The following EFNA5 variants were observed in gnomAD, a reference collection of about 807,000 sequenced individuals.
The protein encoded by EFNA5 is ephrin A5.
EFNA5 carries 5 observed loss-of-function variants against 22.9 expected under a neutral mutation model. That is an observed-to-expected ratio of 0.22 (90% CI 0.11 to 0.46). EFNA5 has a LOEUF of 0.46. EFNA5 is among the 20% of genes least tolerant of loss of function. The probability of loss-of-function intolerance (pLI) is 0.99; values close to 1 mark genes in which losing one functional copy is unlikely to be tolerated. For missense variants in EFNA5, 237 were observed against 293.3 expected (o/e 0.81, Z 1.40); for synonymous variants, 113 against 112.2 (o/e 1.01, Z -0.04).
chr5:107,490,775 T>G (rs1036534080), intron 1 of EFNA5, among the ~76,000 whole-genome samples: 4 of 152,206 alleles, frequency 2.6e-5, no homozygotes, highest in African/African-American at 9.6e-5. Flanking sequence ...CTCAGATTCC[T>G]CTTTACTTAC....
At chr5:107,414,816 T>C (rs1043392342) in intron 2 of EFNA5, among the ~76,000 whole-genome samples, 1 of 151,920 alleles carries the variant, frequency 6.6e-6, no homozygotes, top group Non-Finnish European at 1.5e-5. Context: ...CCACTTAATA[T>C]AAATATCATA....
intron 1 of EFNA5, among the ~76,000 whole-genome samples, chr5:107,575,456 C>T (rs1748909083): frequency 6.6e-6 from 1 of 152,164 alleles, no homozygotes; most frequent in Non-Finnish European, 1.5e-5. Flanking sequence ...TTTGAACCCA[C>T]CAAGACTGCT....
chr5:107,638,542 T>A (rs1561456504), intron 1 of EFNA5, among the ~76,000 whole-genome samples: 1 of 152,084 alleles, frequency 6.6e-6, no homozygotes, highest in Non-Finnish European at 1.5e-5. Context: ...GATATAACAA[T>A]ACAAAAATGC....
intron 1 of EFNA5, among the ~76,000 whole-genome samples, chr5:107,614,438 A>G (rs796801779): frequency 7.2e-5 from 11 of 152,318 alleles, no homozygotes; most frequent in African/African-American, 2.6e-4. Flanking sequence ...TTATTTTTAA[A>G]TTATCATGGA....
At chr5:107,391,252 G>T (rs1236257511) in intron 2 of EFNA5, among the ~76,000 whole-genome samples, 2 of 152,186 alleles carry the variant, frequency 1.3e-5, no homozygotes, top group Non-Finnish European at 2.9e-5. Context: ...AACTGTCCCT[G>T]CCCTTGTGTT....
intron 1 of EFNA5, among the ~76,000 whole-genome samples, chr5:107,557,808 A>G (rs1230422341): frequency 6.6e-6 from 1 of 152,226 alleles, no homozygotes; most frequent in Non-Finnish European, 1.5e-5. Flanking sequence ...TTTACCTTTG[A>G]ATAATCTAAA....
At chr5:107,466,872 A>C (rs1750001226) in intron 1 of EFNA5, among the ~76,000 whole-genome samples, 1 of 152,172 alleles carries the variant, frequency 6.6e-6, no homozygotes, top group African/African-American at 2.4e-5. Flanking sequence ...GGAAGGCGCT[A>C]TACTAGGCTA....
intron 1 of EFNA5, among the ~76,000 whole-genome samples, chr5:107,503,259 GCACAGTGAA>G (rs1375677335): frequency 6.6e-6 from 1 of 152,118 alleles, no homozygotes; most frequent in East Asian, 1.9e-4. Flanking sequence ...TGCCTTCGGT[GCACAGTGAA>G]CAAAATACTA....
chr5:107,400,907 A>G (rs1419430777), intron 2 of EFNA5, among the ~76,000 whole-genome samples: 1 of 152,232 alleles, frequency 6.6e-6, no homozygotes, highest in Non-Finnish European at 1.5e-5. Flanking sequence ...AAGCTTATTG[A>G]GAGATTTGTT....
intron 1 of EFNA5, among the ~76,000 whole-genome samples, chr5:107,476,046 C>CCATATATATATATATA (rs1554061606): frequency 3.2e-5 from 1 of 31,284 alleles, no homozygotes; most frequent in African/African-American, 3.4e-4. Flanking sequence ...AGTTTTTAAA[C>CCATATATATATATATA]TATATATATA....
intron 2 of EFNA5, among the ~76,000 whole-genome samples, chr5:107,389,841 T>A (rs1442194002): frequency 6.6e-6 from 1 of 152,234 alleles, no homozygotes; most frequent in Non-Finnish European, 1.5e-5. Flanking sequence ...TGTATTTAAA[T>A]GACACATAAA....
chr5:107,444,953 T>C (rs1012355144), intron 1 of EFNA5, among the ~76,000 whole-genome samples: 1 of 152,192 alleles, frequency 6.6e-6, no homozygotes, highest in Middle Eastern at 3.2e-3. Context: ...GGAATAATGA[T>C]AAAATAACTT....
At chr5:107,447,255 C>T (rs1166953929) in intron 1 of EFNA5, among the ~76,000 whole-genome samples, 1 of 87,916 alleles carries the variant, frequency 1.1e-5, no homozygotes, top group Non-Finnish European at 2.5e-5. Context: ...AGTGTCTTCA[C>T]ACTGCATTAG....
chr5:107,440,694 G>C (rs1157050186), intron 1 of EFNA5, among the ~76,000 whole-genome samples: 1 of 152,124 alleles, frequency 6.6e-6, no homozygotes, highest in Non-Finnish European at 1.5e-5. Context: ...TTTTATTGCT[G>C]CTCACACTGT....
At chr5:107,613,288 T>C (rs1749857934) in intron 1 of EFNA5, among the ~76,000 whole-genome samples, 1 of 152,128 alleles carries the variant, frequency 6.6e-6, no homozygotes, top group Non-Finnish European at 1.5e-5. Context: ...TTGCTGAGGG[T>C]ATTTTTTAAT....
intron 1 of EFNA5, among the ~76,000 whole-genome samples, chr5:107,492,929 C>T (rs1374706231): frequency 2.7e-5 from 4 of 149,924 alleles, no homozygotes; most frequent in Non-Finnish European, 4.4e-5. Context: ...AACCGGGAGG[C>T]GGAGGTTGCA....
intron 2 of EFNA5, among the ~76,000 whole-genome samples, chr5:107,416,934 A>AT (rs1748519085): frequency 6.6e-6 from 1 of 152,216 alleles, no homozygotes; most frequent in Non-Finnish European, 1.5e-5. Flanking sequence ...AGTAAAACTT[A>AT]ATCAATTCAG....
At chr5:107,571,398 G>A (rs1748800851) in intron 1 of EFNA5, among the ~76,000 whole-genome samples, 3 of 152,104 alleles carry the variant, frequency 2.0e-5, no homozygotes, top group Non-Finnish European at 2.9e-5. Flanking sequence ...CAGATGGCTC[G>A]CTGTCGGGGA....
At chr5:107,644,871 T>A (rs1219819028) in intron 1 of EFNA5, among the ~76,000 whole-genome samples, 1 of 152,154 alleles carries the variant, frequency 6.6e-6, no homozygotes, top group African/African-American at 2.4e-5. Flanking sequence ...CTGGCTAATT[T>A]TGTATTTTTA....
Sources: gnomAD v4.1 joint callset for allele counts (sites outside exome capture counted in the v4.1 genomes callset) on GRCh38, gnomAD v4.1.1 for gene constraint, MANE v1.5 for transcripts, NCBI Gene and HGNC (gene_info 2026-07-23, HGNC 2026-07-21) for gene names.